MYOF: variants seen among roughly 807,000 people sequenced by gnomAD.
MYOF encodes myoferlin.
A neutral mutation model predicts 284.2 loss-of-function variants in MYOF; 244 were observed. The ratio of observed to expected loss-of-function variants is 0.86; its 90% CI spans 0.77 to 0.95. The LOEUF (loss-of-function observed/expected upper bound fraction) is 0.95. MYOF is among the 40% of genes least tolerant of loss of function. The pLI is 0.00. For missense variants in MYOF, 2,496 were observed against 2,560.6 expected (o/e 0.97, Z 0.54); for synonymous variants, 904 against 919.7 (o/e 0.98, Z 0.31).
At chr10:93,385,052 G>A (rs1156275001) in intron 19 of MYOF, among the ~76,000 whole-genome samples, 2 of 152,212 alleles carry the variant, frequency 1.3e-5, no homozygotes, top group African/African-American at 4.8e-5. Context: ...CTCTCAAGGA[G>A]ATTGTAGTTG....
chr10:93,333,721 C>A (rs2298160), intron 42 of MYOF, 37 bp downstream of exon 42: 105,877 of 1,603,208 alleles, frequency 0.066, 3,965 homozygotes, highest in Admixed American at 0.11. Flanking sequence ...CTGTAATTAT[C>A]TTGCTACAGG....
At chr10:93,317,147 C>T (rs543074837) in intron 49 of MYOF, among the ~76,000 whole-genome samples, 2 of 136,420 alleles carry the variant, frequency 1.5e-5, no homozygotes, top group East Asian at 4.0e-4. Context: ...CTCCTAAGGC[C>T]AGGCATTCTA....
chr10:93,477,762 G>A (rs1434154567), intron 1 of MYOF, among the ~76,000 whole-genome samples: 20 of 150,742 alleles, frequency 1.3e-4, no homozygotes. Context: ...CAGGAGAATC[G>A]CTTGAACCCA....
chr10:93,374,655 T>C, intron 23 of MYOF, 108 bp downstream of exon 23: 1 of 1,136,060 alleles, frequency 8.8e-7, no homozygotes, highest in Non-Finnish European at 1.2e-6. Context: ...AGCTGCTCAA[T>C]ATCCAAGATA....
At chr10:93,312,934 T>G in intron 51 of MYOF, 86 bp downstream of exon 51, 1 of 1,326,400 alleles carries the variant, frequency 7.5e-7, no homozygotes, top group Non-Finnish European at 1.0e-6. Flanking sequence ...CCTCATTTTA[T>G]CTGGAGTAAG....
chr10:93,370,517 G>A (rs1460217106), intron 24 of MYOF, among the ~76,000 whole-genome samples: 6 of 151,692 alleles, frequency 4.0e-5, no homozygotes, highest in Admixed American at 6.6e-5. Context: ...GTCTTGCCAT[G>A]TTGCCCTGGT....
chr10:93,414,898 C>T (rs1422742193), intron 5 of MYOF, among the ~76,000 whole-genome samples: 1 of 152,028 alleles, frequency 6.6e-6, no homozygotes, highest in African/African-American at 2.4e-5. Flanking sequence ...CACCTGCCAC[C>T]ACGCCCTGCT....
intron 1 of MYOF, among the ~76,000 whole-genome samples, chr10:93,474,326 G>A (rs947600): frequency 0.95 from 145,312 of 152,240 alleles, 69,709 homozygotes; most frequent in East Asian, 1. Flanking sequence ...TTCATACCAC[G>A]TTACTCCTCC....
chr10:93,336,148 G>A (rs1182905218), intron 40 of MYOF, 102 bp from the exon 41 acceptor site: 1 of 1,348,558 alleles, frequency 7.4e-7, no homozygotes, highest in Non-Finnish European at 1.0e-6. Flanking sequence ...TGTGGATGGG[G>A]CGACCGGAAC....
At position 93,381,376 on chromosome 10, in the gene MYOF, CT is replaced by C; in HGVS notation, c.1718del (p.Lys573SerfsTer71). On this transcript the variant is annotated frameshift_variant, in exon 20 of 54. Coordinates refer to ENST00000359263, the MANE Select transcript of MYOF (RefSeq NM_013451.4). LOFTEE classifies it high-confidence loss of function. ...LVVEKYQRRR[K>X]YSLSAVFHSA... The stretch of plus-strand genomic sequence containing the variant: ...AATGAAACACGGCAGACAGGCTGTA[CT>C]TCCGCCTTCGCTGGTATTTCTATAA... The C allele has an allele frequency of 1.9e-6, 3 of 1,614,216 alleles. No homozygotes were observed. The highest frequency in any genetic ancestry group is 2.5e-6 in the Non-Finnish European group (3 of 1,180,030).
chr10:93,381,149 A>T, intron 20 of MYOF, 70 bp downstream of exon 20: 1 of 1,500,128 alleles, frequency 6.7e-7, no homozygotes, highest in Non-Finnish European at 9.2e-7. Context: ...GGGAAGACAC[A>T]GTGCTTGCTT....
At chr10:93,358,562 A>G (rs547074168) in intron 29 of MYOF, among the ~76,000 whole-genome samples, 6 of 152,348 alleles carry the variant, frequency 3.9e-5, no homozygotes, top group African/African-American at 1.2e-4. Flanking sequence ...ATGTCCATCA[A>G]TGATAGACTG....
rs115264378 is a variant in MYOF at position 93,385,227 on chromosome 10, C to G, written c.1698+2570G>C. 6.0e-3 allele frequency among the ~76,000 whole-genome samples: 914 copies of G among 152,256 alleles called. 8 individuals carry two copies. Among genetic ancestry groups the G allele is most frequent in the African/African-American group, 0.021 (860 of 41,532 alleles). On this transcript the variant is annotated intron_variant, in intron 19 of 53. Coordinates refer to ENST00000359263, the MANE Select transcript of MYOF (RefSeq NM_013451.4). Reference sequence around the variant, plus strand: ...AGTGGCAGGGCAGAGGTTCCAGAAGCCAGCGGGTATTAGAATAACACTGGG... The same window carrying G: ...AGTGGCAGGGCAGAGGTTCCAGAAGGCAGCGGGTATTAGAATAACACTGGG...
chr10:93,415,861 AAAC>A (rs1178389557), intron 5 of MYOF, among the ~76,000 whole-genome samples: 9 of 152,186 alleles, frequency 5.9e-5, no homozygotes, highest in Non-Finnish European at 1.2e-4. Flanking sequence ...GAATATTAAA[AAAC>A]AAAACTTTCA....
intron 1 of MYOF, among the ~76,000 whole-genome samples, chr10:93,461,585 C>T (rs77338187): frequency 0.047 from 7,126 of 152,174 alleles, 222 homozygotes; most frequent in Non-Finnish European, 0.07. Flanking sequence ...AGCCAGAAGA[C>T]GAGCTCACTC....
chr10:93,405,114 C>A (rs58476455), intron 7 of MYOF, among the ~76,000 whole-genome samples: 14,138 of 148,192 alleles, frequency 0.095, 930 homozygotes, highest in African/African-American at 0.2. Flanking sequence ...TGGACATTTG[C>A]TTTATCTCTT....
intron 12 of MYOF, among the ~76,000 whole-genome samples, chr10:93,400,323 CT>C (rs1355612163): frequency 1.1e-5 from 1 of 88,442 alleles, no homozygotes; most frequent in Non-Finnish European, 2.8e-5. Context: ...TCTTCTTCTT[CT>C]TCTTCTTTTT....
chr10:93,441,561 CT>C (rs148461507), intron 3 of MYOF, among the ~76,000 whole-genome samples: 7,639 of 125,056 alleles, frequency 0.061, 261 homozygotes, highest in African/African-American at 0.16. Context: ...ATTTTTGTAT[CT>C]TTTTTTTTTT....
chr10:93,382,441 T>C (rs1846169747), intron 19 of MYOF, among the ~76,000 whole-genome samples: 1 of 152,234 alleles, frequency 6.6e-6, no homozygotes, highest in Non-Finnish European at 1.5e-5. Flanking sequence ...AAGATTTTCA[T>C]GTCAGATGTA....
Sources: gnomAD v4.1 joint callset for allele counts (sites outside exome capture counted in the v4.1 genomes callset) on GRCh38, gnomAD v4.1.1 for gene constraint, MANE v1.5 for transcripts, NCBI Gene and HGNC (gene_info 2026-07-23, HGNC 2026-07-21) for gene names.